Variants in POLR3B observed in about 807,000 individuals in gnomAD.
The protein encoded by POLR3B is RNA polymerase III subunit B, also known as DNA-directed RNA polymerase III subunit RPC2.
In POLR3B, 96 loss-of-function variants were observed where a neutral mutation model predicts 147.4. The observed-to-expected ratio is 0.65, with a 90% CI of 0.55 to 0.77. POLR3B has a LOEUF of 0.77. POLR3B is among the 30% of genes least tolerant of loss of function. The pLI is 0.00. For synonymous variants in POLR3B, 461 were observed against 485.9 expected (o/e 0.95, Z 0.67); for missense variants, 1,036 against 1,413.5 (o/e 0.73, Z 4.28).
chr12:106,377,474 C>A (rs904290599), intron 7 of POLR3B, among the ~76,000 whole-genome samples: 1 of 152,056 alleles, frequency 6.6e-6, no homozygotes. Context: ...TTACTTTATC[C>A]TACTCTGAAT....
intron 9 of POLR3B, 122 bp from the exon 10 acceptor site, chr12:106,392,909 C>T: frequency 7.9e-7 from 1 of 1,260,614 alleles, no homozygotes; most frequent in East Asian, 2.4e-5. Flanking sequence ...GGCACCATTT[C>T]TGAGAGAAGA....
At chr12:106,361,872 A>T (rs945314850) in intron 1 of POLR3B, among the ~76,000 whole-genome samples, 2 of 152,212 alleles carry the variant, frequency 1.3e-5, no homozygotes, top group Admixed American at 1.3e-4. Flanking sequence ...AGTGATCGGC[A>T]TGGCCAAATA....
Position 106,459,235 on chromosome 12 carries a change from T to A in POLR3B, c.2453-16T>A. ...AGATGATAACGATGTGCCTAACACT[T>A]TTCTTTTTTTCTCAGGTGAGAAAGT... On this transcript the variant is annotated splice_polypyrimidine_tract_variant and intron_variant, in intron 21 of 27. Transcript: ENST00000228347. 7.3e-7 allele frequency: 1 copy of A among 1,375,170 alleles called. No homozygotes were observed. Among genetic ancestry groups the A allele is most frequent in the Non-Finnish European group, 1.0e-6 (1 of 962,440 alleles). The allele number at this position is 1,375,170 out of a possible 1,614,324, so 85.2% of individuals were successfully genotyped here.
In POLR3B at chr12:106,404,466, A is replaced by G. The variant is rs150717994; in HGVS notation, c.847-1391A>G. Among the ~76,000 whole-genome samples the G allele has an allele frequency of 4.4e-3, 670 of 152,228 alleles. 4 individuals are homozygous for G. Among genetic ancestry groups the G allele is most frequent in the African/African-American group, 0.015 (644 of 41,552 alleles). ...TAGTCTTTTTAATTTTAGCCACTCT[A>G]ATGGGTGTATAGTGGTATCTCATGG... is the stretch of plus-strand genomic sequence containing the variant. On this transcript the variant is annotated intron_variant, in intron 10 of 27. Transcript: ENST00000228347.
At chr12:106,507,789 C>T (rs1029632310) in intron 27 of POLR3B, 6 of 455,988 alleles carry the variant, frequency 1.3e-5, no homozygotes, top group South Asian at 7.7e-5. Flanking sequence ...ACATTCTCAG[C>T]CTCAGTTCTT....
At chr12:106,497,373 T>G (rs973230067) in intron 25 of POLR3B, among the ~76,000 whole-genome samples, 1 of 152,026 alleles carries the variant, frequency 6.6e-6, no homozygotes, top group Admixed American at 6.5e-5. Context: ...CTGGTAAGAT[T>G]ATAATTTGGA....
At chr12:106,434,700 A>G (rs1169125206) in intron 16 of POLR3B, among the ~76,000 whole-genome samples, 1 of 152,116 alleles carries the variant, frequency 6.6e-6, no homozygotes, top group Non-Finnish European at 1.5e-5. Flanking sequence ...TACCTCGGGT[A>G]GTGTTGAAGC....
chr12:106,429,838 ATCCAAATAATAGCACAT>A (rs2137001524), intron 13 of POLR3B, among the ~76,000 whole-genome samples: 1 of 152,330 alleles, frequency 6.6e-6, no homozygotes, highest in East Asian at 1.9e-4. Context: ...TTTGGAAAAC[ATCCAAATAATAGCACAT>A]TCCTACATGA....
intron 1 of POLR3B, among the ~76,000 whole-genome samples, chr12:106,359,579 T>C (rs2036437998): frequency 6.6e-6 from 1 of 152,074 alleles, no homozygotes; most frequent in South Asian, 2.1e-4. Context: ...ATCCACCGCC[T>C]CGGCCTCCCA....
chr12:106,364,052 C>A, intron 2 of POLR3B, 150 bp downstream of exon 2: 1 of 664,630 alleles, frequency 1.5e-6, no homozygotes, highest in Non-Finnish European at 2.6e-6. Context: ...AAGGTAAAAT[C>A]CCTGCCTGAA....
At chr12:106,412,145 G>T (rs1349517552) in intron 12 of POLR3B, among the ~76,000 whole-genome samples, 1 of 151,940 alleles carries the variant, frequency 6.6e-6, no homozygotes, top group African/African-American at 2.4e-5. Context: ...ATTGCAACCT[G>T]ATAGACATTG....
intron 13 of POLR3B, 80 bp downstream of exon 13, chr12:106,427,438 G>C: frequency 8.1e-7 from 1 of 1,229,942 alleles, no homozygotes; most frequent in Non-Finnish European, 1.2e-6. Context: ...AAAGCACTTT[G>C]AGAATCCAGG....
At chr12:106,420,339 C>A (rs987035272) in intron 12 of POLR3B, among the ~76,000 whole-genome samples, 1 of 152,086 alleles carries the variant, frequency 6.6e-6, no homozygotes, top group African/African-American at 2.4e-5. Flanking sequence ...TATGGAATTC[C>A]CCTTCACCTT....
intron 18 of POLR3B, among the ~76,000 whole-genome samples, chr12:106,438,844 G>C (rs578110625): frequency 6.6e-6 from 1 of 151,876 alleles, no homozygotes; most frequent in African/African-American, 2.4e-5. Context: ...AAAACTCTAA[G>C]TTTATGTGCA....
In POLR3B at chr12:106,376,392, T is replaced by A; in HGVS notation, c.438T>A (p.Val146=). The A allele has an allele frequency of 6.2e-7, 1 of 1,613,376 alleles. No individual in the cohort carries two copies. The highest frequency in any genetic ancestry group is 8.5e-7 in the Non-Finnish European group (1 of 1,179,664). ...TAATGCTACGTAGTTCAAACTGTGT[T>A]CTTACAGGAAAAACGCCAGCAGAAT... ...MPIMLRSSNC[V]LTGKTPAEFA... Residue 146 remains valine (V), a synonymous_variant, in exon 7 of 28, where the codon GTT becomes GTA. Transcript: ENST00000228347.
chr12:106,414,986 C>T (rs542107848), intron 12 of POLR3B, among the ~76,000 whole-genome samples: 3 of 152,310 alleles, frequency 2.0e-5, no homozygotes, highest in African/African-American at 4.8e-5. Flanking sequence ...TGCTGAGCTA[C>T]GAACCTCTAT....
chr12:106,392,557 T>C (rs748853676), intron 9 of POLR3B, among the ~76,000 whole-genome samples: 1 of 152,310 alleles, frequency 6.6e-6, no homozygotes, highest in Middle Eastern at 3.4e-3. Flanking sequence ...TTAGGAAAAA[T>C]TCTTTTCCTT....
chr12:106,430,307 G>A lies in POLR3B; in HGVS notation c.1298G>A (p.Arg433His). ...NWSLKRFKMD[R>H]QGVTQVLSRL... ...TCTTTAAAGAGATTTAAAATGGACC[G>A]CCAGGGTGTAACCCAAGTGCTGTCT... The change falls in exon 14 of 28, where the codon CGC (arginine) becomes CAC (histidine). Residue 433 changes from arginine (R) to histidine (H), a missense_variant. Arg to His is a conservative substitution (Grantham distance 29). Around this residue, in one of 12 missense-constraint regions of POLR3B, gnomAD observed 89 missense variants for 110.9 expected, o/e 0.80. Transcript: ENST00000228347. The A allele has an allele frequency of 6.2e-7, 1 of 1,613,946 alleles. No individual in the cohort carries two copies. The highest frequency in any genetic ancestry group is 8.5e-7 in the Non-Finnish European group (1 of 1,179,888).
At chr12:106,438,411 A>G (rs936678375) in intron 18 of POLR3B, among the ~76,000 whole-genome samples, 3 of 152,084 alleles carry the variant, frequency 2.0e-5, no homozygotes, top group African/African-American at 4.8e-5. Context: ...CAGTTTATAT[A>G]TATACACACA....
Sources: allele counts gnomAD v4.1 joint callset (sites outside exome capture counted in the v4.1 genomes callset), GRCh38; gene constraint gnomAD v4.1.1; regional missense constraint gnomAD v4.1.1; transcripts MANE v1.5; gene names NCBI Gene and HGNC (gene_info 2026-07-23, HGNC 2026-07-21).